The following CBLB variants were observed in gnomAD, a reference collection of about 807,000 sequenced individuals.
CBLB encodes E3 ubiquitin-protein ligase CBL-B.
In CBLB, 31 loss-of-function variants were observed where a neutral mutation model predicts 104.9. The ratio of observed to expected loss-of-function variants is 0.30; its 90% CI spans 0.22 to 0.40. The LOEUF (loss-of-function observed/expected upper bound fraction) is 0.40, where lower values mean the gene tolerates loss of function less well. Ranked by LOEUF, CBLB falls within the 10% of genes least tolerant of loss-of-function variation. The pLI is 1.00. For synonymous variants in CBLB, 440 were observed against 422.6 expected (o/e 1.04, Z -0.51); for missense variants, 1,062 against 1,214.6 (o/e 0.87, Z 1.87).
chr3:105,842,754 G>A (rs1205281155), intron 3 of CBLB, among the ~76,000 whole-genome samples: 1 of 152,168 alleles, frequency 6.6e-6, no homozygotes, highest in Non-Finnish European at 1.5e-5. Flanking sequence ...ACAGAATGAA[G>A]ATAAAACCCA....
intron 3 of CBLB, among the ~76,000 whole-genome samples, chr3:105,776,778 A>G (rs961721372): frequency 6.6e-6 from 1 of 152,232 alleles, no homozygotes; most frequent in Non-Finnish European, 1.5e-5. Context: ...TTCATTTAAC[A>G]TAAACACAAA....
intron 3 of CBLB, among the ~76,000 whole-genome samples, chr3:105,792,414 T>A (rs1385171556): frequency 6.6e-6 from 1 of 152,200 alleles, no homozygotes; most frequent in East Asian, 1.9e-4. Flanking sequence ...AGTTAGCTTC[T>A]CTCTCAGGTC....
In CBLB at chr3:105,671,015, A is replaced by T. The variant is rs183867658; in HGVS notation, c.2570-663T>A. ...TTTGAATATACAGTAAAATGTGATA[A>T]TTTACCACCTTGGCAGTCAGAGACG... On this transcript the variant is annotated intron_variant, in intron 17 of 18. Transcript: ENST00000394030. The T allele has an allele frequency of 1.8e-4, 32 of 177,864 alleles. No individual in the cohort carries two copies. The East Asian group carries it at 2.6e-3, about 15-fold the overall frequency. The allele number at this position is 177,864 out of a possible 1,614,324, so 11.0% of individuals were successfully genotyped here.
At chr3:105,666,842 C>A (rs771107778) in intron 18 of CBLB, among the ~76,000 whole-genome samples, 3 of 152,200 alleles carry the variant, frequency 2.0e-5, no homozygotes, top group African/African-American at 2.4e-5. Context: ...GGCTTTCAAA[C>A]TGAAGCTGTC....
intron 3 of CBLB, among the ~76,000 whole-genome samples, chr3:105,853,145 G>C (rs2091174694): frequency 6.6e-6 from 1 of 152,152 alleles, no homozygotes; most frequent in African/African-American, 2.4e-5. Flanking sequence ...TGCAGCCTAG[G>C]AGCAATAGGC....
chr3:105,797,671 ATATT>A (rs1167761809), intron 3 of CBLB, among the ~76,000 whole-genome samples: 62 of 152,350 alleles, frequency 4.1e-4, no homozygotes, highest in African/African-American at 1.4e-3. Context: ...ACTTCAATAA[ATATT>A]CAGTTGTCCA....
chr3:105,734,222 T>C, intron 8 of CBLB, 82 bp from the exon 9 acceptor site: 2 of 1,383,886 alleles, frequency 1.4e-6, no homozygotes, highest in Non-Finnish European at 2.1e-6. Context: ...CCAAATAAAA[T>C]GACGCACAGT....
At chr3:105,771,893 C>A (rs1023251028) in intron 4 of CBLB, among the ~76,000 whole-genome samples, 2 of 152,086 alleles carry the variant, frequency 1.3e-5, no homozygotes, top group African/African-American at 4.8e-5. Flanking sequence ...ATAGATGACA[C>A]AACAAATGGA....
At chr3:105,740,748 T>C in intron 6 of CBLB, 117 bp from the exon 7 acceptor site, 1 of 858,472 alleles carries the variant, frequency 1.2e-6, no homozygotes. Flanking sequence ...TCCTGAATAC[T>C]CCTCATATTC....
At chr3:105,659,327 A>G in intron 18 of CBLB, 98 bp from the exon 19 acceptor site, 4 of 1,250,790 alleles carry the variant, frequency 3.2e-6, no homozygotes, top group Non-Finnish European at 4.6e-6. Flanking sequence ...TGGAAATATT[A>G]TTTCTTGTTT....
intron 4 of CBLB, among the ~76,000 whole-genome samples, chr3:105,770,340 G>A (rs763718932): frequency 3.9e-5 from 6 of 152,096 alleles, no homozygotes; most frequent in Non-Finnish European, 7.4e-5. Context: ...ATCCCCACCA[G>A]GGAATCTGAA....
At chr3:105,852,889 G>C (rs993529305) in intron 3 of CBLB, among the ~76,000 whole-genome samples, 1 of 151,944 alleles carries the variant, frequency 6.6e-6, no homozygotes, top group Non-Finnish European at 1.5e-5. Flanking sequence ...GGCTAATTTT[G>C]TATTTTTAGT....
At position 105,800,239 on chromosome 3, in the gene CBLB, C is replaced by T. The variant is rs552577241; in HGVS notation, c.420-23697G>A. Among the ~76,000 whole-genome samples, 22 of 152,156 alleles carry T rather than the reference C, an allele frequency of 1.4e-4. No homozygotes were observed. The South Asian group carries it at 4.4e-3, about 30-fold the overall frequency. On this transcript the variant is annotated intron_variant, in intron 3 of 18. Transcript: ENST00000394030. ...AAATCCGCATGTGCAGACCAGTATC[C>T]CAGAGAATCAATAAAATCTCTGGGG...
chr3:105,659,360 C>A, intron 18 of CBLB, 131 bp from the exon 19 acceptor site: 1 of 965,500 alleles, frequency 1.0e-6, no homozygotes, highest in Non-Finnish European at 1.6e-6. Context: ...AACTTTTTTT[C>A]AATTTTTCCA....
intron 8 of CBLB, among the ~76,000 whole-genome samples, chr3:105,736,463 TGTGA>T (rs753183262): frequency 1.3e-5 from 2 of 152,194 alleles, no homozygotes; most frequent in African/African-American, 4.8e-5. Flanking sequence ...GAAGTTCCCA[TGTGA>T]GTATGTAGAG....
intron 16 of CBLB, among the ~76,000 whole-genome samples, chr3:105,680,534 A>C (rs1226219492): frequency 2.0e-5 from 3 of 152,216 alleles, no homozygotes; most frequent in African/African-American, 7.2e-5. Context: ...AGTGGAAGGG[A>C]GAGAAAGACT....
At chr3:105,869,389 C>A, upstream of CBLB, 1 of 1,341,556 alleles carries the variant, frequency 7.5e-7, no homozygotes, top group Non-Finnish European at 9.9e-7. Flanking sequence ...CCAAAGCCAT[C>A]TGGGGCTGAA....
intron 4 of CBLB, among the ~76,000 whole-genome samples, chr3:105,769,952 T>G (rs2078666849): frequency 6.6e-6 from 1 of 152,108 alleles, no homozygotes; most frequent in African/African-American, 2.4e-5. Flanking sequence ...GAATTTAAAT[T>G]TGAAGAAGAG....
intron 3 of CBLB, 24 bp from the exon 4 acceptor site, chr3:105,776,566 G>T: frequency 6.2e-7 from 1 of 1,611,588 alleles, no homozygotes. Context: ...GGAAAAAAAT[G>T]AAGATAAGAA....
Sources: allele counts gnomAD v4.1 joint callset (sites outside exome capture counted in the v4.1 genomes callset), GRCh38; gene constraint gnomAD v4.1.1; transcripts MANE v1.5; gene names NCBI Gene and HGNC (gene_info 2026-07-23, HGNC 2026-07-21).